The following KCNN2 variants were observed in gnomAD, a reference collection of about 807,000 sequenced individuals.
The protein encoded by KCNN2 is potassium calcium-activated channel subfamily N member 2, also known as small conductance calcium-activated potassium channel protein 2.
In KCNN2, 24 loss-of-function variants were observed where a neutral mutation model predicts 55.5. That is an observed-to-expected ratio of 0.43 (90% CI 0.31 to 0.61). The LOEUF is 0.61. KCNN2 is among the 20% of genes least tolerant of loss of function. The probability of loss-of-function intolerance (pLI) is 0.08; values close to 1 mark genes in which losing one functional copy is unlikely to be tolerated. For synonymous variants in KCNN2, 431 were observed against 336.1 expected, an observed-to-expected ratio of 1.28 and a Z score of -3.09; for missense variants, 754 against 853.6, an observed-to-expected ratio of 0.88 and a Z score of 1.45.
intron 1 of KCNN2, among the ~76,000 whole-genome samples, chr5:114,116,455 G>C (rs1030855046): frequency 2.6e-5 from 4 of 152,084 alleles, no homozygotes; most frequent in African/African-American, 7.2e-5. Context: ...CATTGATTTT[G>C]TGATCATTTG....
intron 7 of KCNN2, among the ~76,000 whole-genome samples, chr5:114,495,545 A>C (rs1364214485): frequency 2.0e-5 from 3 of 152,176 alleles, no homozygotes; most frequent in Admixed American, 2.0e-4. Context: ...ACATGTTGCA[A>C]AATGAATTTG....
intron 3 of KCNN2, among the ~76,000 whole-genome samples, chr5:114,461,151 T>G (rs1761171576): frequency 6.6e-6 from 1 of 152,192 alleles, no homozygotes; most frequent in Non-Finnish European, 1.5e-5. Flanking sequence ...GAATCCTGCT[T>G]AGCTCATATT....
chr5:114,442,598 C>T (rs949811667), intron 3 of KCNN2, among the ~76,000 whole-genome samples: 1 of 152,054 alleles, frequency 6.6e-6, no homozygotes, highest in Non-Finnish European at 1.5e-5. Flanking sequence ...CTATGAATAC[C>T]TCCTTTTTGA....
At position 114,465,631 on chromosome 5, in the gene KCNN2, G is replaced by A. The variant is rs540422691; in HGVS notation, c.1779+2441G>A. Among the ~76,000 whole-genome samples the A allele has an allele frequency of 6.6e-5, 10 of 151,210 alleles. No individual in the cohort carries two copies. The East Asian group carries it at 1.9e-3, about 29-fold the overall frequency. On this transcript the variant is annotated intron_variant, in intron 4 of 7. Coordinates refer to ENST00000673685, the MANE Select transcript of KCNN2 (RefSeq NM_021614.4). ...CCATCATCTCAAAAAAAAAAAAAGAGAGAGGTTATAGTACCATTAAATATA... is the reference window on the plus strand; with the variant it reads ...CCATCATCTCAAAAAAAAAAAAAGAAAGAGGTTATAGTACCATTAAATATA...
At chr5:114,076,881 G>C (rs1221192569) in intron 1 of KCNN2, among the ~76,000 whole-genome samples, 3 of 152,038 alleles carry the variant, frequency 2.0e-5, no homozygotes, top group Non-Finnish European at 4.4e-5. Context: ...TTTTAGTAGA[G>C]ACGGGGTTTC....
chr5:114,064,528 A>G (rs1028527622), intron 1 of KCNN2, among the ~76,000 whole-genome samples: 23 of 152,126 alleles, frequency 1.5e-4, no homozygotes, highest in African/African-American at 4.8e-4. Context: ...GCTCTCTTAG[A>G]CCTTCTATCC....
intron 1 of KCNN2, among the ~76,000 whole-genome samples, chr5:114,156,899 C>T (rs1470101211): frequency 6.6e-6 from 1 of 151,920 alleles, no homozygotes; most frequent in Non-Finnish European, 1.5e-5. Context: ...TTATAGTCTA[C>T]TGATGTTCAA....
chr5:114,408,422 C>G (rs1053209355), intron 3 of KCNN2, among the ~76,000 whole-genome samples: 5 of 152,102 alleles, frequency 3.3e-5, no homozygotes, highest in African/African-American at 1.2e-4. Flanking sequence ...TTTTTTAGAA[C>G]TTCTCTGCGT....
rs187064651 is a variant in KCNN2 at position 114,088,658 on chromosome 5, C to T, written c.-271+32158C>T. Reference sequence around the variant, plus strand: ...TTTTTGAGATGGAGTCTCGCTCTGTCGCCCAGGCTGGAGTGCAGTGGTATA... The same window carrying T: ...TTTTTGAGATGGAGTCTCGCTCTGTTGCCCAGGCTGGAGTGCAGTGGTATA... On this transcript the variant is annotated intron_variant, in intron 1 of 10. Transcript: ENST00000512097. Among the ~76,000 whole-genome samples, 37 of 152,132 alleles carry T rather than the reference C, an allele frequency of 2.4e-4. No homozygotes were observed. In the South Asian group the frequency reaches 5.0e-3, roughly 20 times the overall value.
intron 1 of KCNN2, among the ~76,000 whole-genome samples, chr5:114,138,541 G>A (rs1181903875): frequency 6.6e-6 from 1 of 152,068 alleles, no homozygotes; most frequent in African/African-American, 2.4e-5. Context: ...AACCACTGTA[G>A]AACCCAAATC....
At chr5:114,160,055 G>A (rs1299536331) in intron 1 of KCNN2, among the ~76,000 whole-genome samples, 2 of 152,074 alleles carry the variant, frequency 1.3e-5, no homozygotes. Flanking sequence ...GCTTTTGAAT[G>A]TGTTTGCTCT....
At chr5:114,383,984 T>C (rs553978136) in intron 2 of KCNN2, among the ~76,000 whole-genome samples, 1 of 152,356 alleles carries the variant, frequency 6.6e-6, no homozygotes, top group South Asian at 2.1e-4. Context: ...ATTATACACA[T>C]TGTCTCATTT....
At chr5:114,470,436 A>G (rs1761672922) in intron 4 of KCNN2, among the ~76,000 whole-genome samples, 1 of 152,140 alleles carries the variant, frequency 6.6e-6, no homozygotes, top group South Asian at 2.1e-4. Flanking sequence ...ACAAAAGGCT[A>G]GCCTGTGTTT....
chr5:114,315,420 ACT>A (rs753643617), intron 2 of KCNN2, among the ~76,000 whole-genome samples: 130 of 116,248 alleles, frequency 1.1e-3, no homozygotes, highest in South Asian at 5.6e-3. Context: ...GAAGGCAGAA[ACT>A]GTGTGTGTGT....
At chr5:114,425,957 A>G (rs938758969) in intron 3 of KCNN2, among the ~76,000 whole-genome samples, 1 of 151,714 alleles carries the variant, frequency 6.6e-6, no homozygotes, top group African/African-American at 2.4e-5. Context: ...AGGTGGGTGA[A>G]TGACTTGAGC....
At position 114,079,481 on chromosome 5, in the gene KCNN2, C is replaced by T. The variant is rs116121909; in HGVS notation, c.-271+22981C>T. ...CTTAAGGGTAGGGCAGACCTAGGCT[C>T]AAATGCTAGCTCTTCTCCTTTCTAG... On this transcript the variant is annotated intron_variant, in intron 1 of 10. Coordinates refer to the KCNN2 transcript ENST00000512097. Among the ~76,000 whole-genome samples the T allele has an allele frequency of 4.3e-3, 662 of 152,238 alleles. 8 individuals carry two copies. Among genetic ancestry groups the T allele is most frequent in the African/African-American group, 0.015 (630 of 41,542 alleles).
chr5:114,466,042 T>C (rs556268049), intron 4 of KCNN2, among the ~76,000 whole-genome samples: 1 of 152,126 alleles, frequency 6.6e-6, no homozygotes, highest in Non-Finnish European at 1.5e-5. Context: ...CTATGGAGAA[T>C]GTAGAAATTT....
intron 5 of KCNN2, 161 bp from the exon 6 acceptor site, chr5:114,486,889 C>G: frequency 8.8e-7 from 1 of 1,133,182 alleles, no homozygotes; most frequent in Non-Finnish European, 1.3e-6. Flanking sequence ...ACAAGTACTT[C>G]TAAAAAGGCA....
At chr5:114,382,505 C>T (rs1758155125) in intron 2 of KCNN2, among the ~76,000 whole-genome samples, 1 of 152,166 alleles carries the variant, frequency 6.6e-6, no homozygotes, top group African/African-American at 2.4e-5. Flanking sequence ...CATATATTGG[C>T]ATTTATGTTT....
Sources: gnomAD v4.1 joint callset for allele counts (sites outside exome capture counted in the v4.1 genomes callset) on GRCh38, gnomAD v4.1.1 for gene constraint, MANE v1.5 for transcripts, NCBI Gene and HGNC (gene_info 2026-07-23, HGNC 2026-07-21) for gene names.